EPHX2: variants seen among roughly 807,000 people sequenced by gnomAD.
EPHX2 encodes epoxide hydrolase 2.
EPHX2 carries 74 observed loss-of-function variants against 78.7 expected under a neutral mutation model. That is an observed-to-expected ratio of 0.94 (90% CI 0.78 to 1.14). The LOEUF is 1.14. EPHX2 is among the 50% of genes most tolerant of loss of function. EPHX2 has a pLI of 0.00. For missense variants in EPHX2, 715 were observed against 702.5 expected, an observed-to-expected ratio of 1.02 and a Z score of -0.20; for synonymous variants, 251 against 255.2, an observed-to-expected ratio of 0.98 and a Z score of 0.16.
chr8:27,540,032 G>A (rs1196640499), intron 14 of EPHX2, among the ~76,000 whole-genome samples: 1 of 152,210 alleles, frequency 6.6e-6, no homozygotes, highest in African/African-American at 2.4e-5. Context: ...CAAGAGAGGG[G>A]TCCACAGTGG....
chr8:27,512,216 G>C (rs72475823), intron 6 of EPHX2: 3 of 341,880 alleles, frequency 8.8e-6, no homozygotes, highest in African/African-American at 6.4e-5. Context: ...TCAGAAATCA[G>C]TGAAAGACAG....
intron 8 of EPHX2, among the ~76,000 whole-genome samples, chr8:27,516,793 A>G (rs1814471506): frequency 6.6e-6 from 1 of 151,898 alleles, no homozygotes; most frequent in Non-Finnish European, 1.5e-5. Flanking sequence ...TATGAATCTA[A>G]CTCCTCTAAA....
At chr8:27,520,942 G>A in intron 10 of EPHX2, 33 bp downstream of exon 10, 1 of 1,613,526 alleles carries the variant, frequency 6.2e-7, no homozygotes, top group Non-Finnish European at 8.5e-7. Context: ...TATCTTTGGA[G>A]AATTCCTTTG....
intron 1 of EPHX2, among the ~76,000 whole-genome samples, chr8:27,498,678 C>T (rs758074665): frequency 2.0e-5 from 3 of 152,156 alleles, no homozygotes; most frequent in Non-Finnish European, 4.4e-5. Context: ...CAATGCCTCA[C>T]ATACCTAAGA....
chr8:27,518,459 C>A (rs1814535799), intron 9 of EPHX2, among the ~76,000 whole-genome samples: 1 of 152,252 alleles, frequency 6.6e-6, no homozygotes, highest in South Asian at 2.1e-4. Flanking sequence ...CCTGTGCAGA[C>A]TGTGACCAGC....
At chr8:27,506,598 T>C (rs1256325498) in intron 4 of EPHX2, among the ~76,000 whole-genome samples, 1 of 152,228 alleles carries the variant, frequency 6.6e-6, no homozygotes, top group Non-Finnish European at 1.5e-5. Flanking sequence ...CTTATGCCTG[T>C]TGATTTTCCC....
In EPHX2 at chr8:27,503,739, G is replaced by T; in HGVS notation, c.322G>T (p.Ala108Ser). 1 of 1,612,826 alleles carries T rather than the reference G, an allele frequency of 6.2e-7. No homozygotes were observed. Among genetic ancestry groups the T allele is most frequent in the Non-Finnish European group, 8.5e-7 (1 of 1,179,960 alleles). ...AAAGATCAACCGCCCCATGCTCCAGGCAGCTCTCATGCTCAGGAAGAAAGG... is the reference window on the plus strand; with the variant it reads ...AAAGATCAACCGCCCCATGCTCCAGTCAGCTCTCATGCTCAGGAAGAAAGG... ...ARKINRPMLQ[A>S]ALMLRKKGFT... Residue 108 changes from alanine to serine, a missense_variant, in exon 3 of 19, where the codon GCA (alanine) becomes TCA (serine). Ala to Ser is a moderately conservative substitution (Grantham distance 99). Coordinates refer to ENST00000521400, the MANE Select transcript of EPHX2 (RefSeq NM_001979.6).
chr8:27,528,324 A>C (rs939632456), intron 12 of EPHX2, among the ~76,000 whole-genome samples: 1 of 152,172 alleles, frequency 6.6e-6, no homozygotes, highest in African/African-American at 2.4e-5. Flanking sequence ...TGATCTGGCC[A>C]CTGAAAGATA....
At chr8:27,494,567 C>G (rs993697233) in intron 1 of EPHX2, among the ~76,000 whole-genome samples, 4 of 152,226 alleles carry the variant, frequency 2.6e-5, no homozygotes, top group Non-Finnish European at 5.9e-5. Context: ...TTGAAATCCC[C>G]TTGACTTAGG....
intron 14 of EPHX2, 56 bp downstream of exon 14, chr8:27,538,748 G>A: frequency 2.5e-6 from 4 of 1,583,524 alleles, no homozygotes; most frequent in East Asian, 2.2e-5. Context: ...TTAAAGGGAT[G>A]TTTCTGTCTC....
chr8:27,493,400 C>T (rs1037862149), intron 1 of EPHX2, among the ~76,000 whole-genome samples: 2 of 152,166 alleles, frequency 1.3e-5, no homozygotes, highest in African/African-American at 2.4e-5. Flanking sequence ...TAGACCTTAG[C>T]GGTTTTGGAG....
chr8:27,509,581 A>C (rs982274128), intron 5 of EPHX2, among the ~76,000 whole-genome samples: 2 of 152,078 alleles, frequency 1.3e-5, no homozygotes, highest in African/African-American at 2.4e-5. Flanking sequence ...TTTAGTAGAG[A>C]CAGGATTCCC....
chr8:27,511,518 C>T (rs1309876985), intron 5 of EPHX2, among the ~76,000 whole-genome samples: 1 of 152,120 alleles, frequency 6.6e-6, no homozygotes, highest in Admixed American at 6.5e-5. Context: ...CACTGGACAC[C>T]CAGCTGGAAG....
At chr8:27,541,332 C>G in intron 15 of EPHX2, 141 bp from the exon 16 acceptor site, 1 of 838,130 alleles carries the variant, frequency 1.2e-6, no homozygotes, top group Non-Finnish European at 1.9e-6. Context: ...AGGCGTGGGT[C>G]CTGGGCTCTA....
chr8:27,516,456 G>A (rs929056240), intron 8 of EPHX2, 58 bp downstream of exon 8: 13 of 1,502,758 alleles, frequency 8.7e-6, no homozygotes, highest in African/African-American at 5.5e-5. Flanking sequence ...CTGCCTGAGC[G>A]CTCCACGCCT....
chr8:27,519,540 A>T (rs1814572769), intron 9 of EPHX2, among the ~76,000 whole-genome samples: 1 of 152,174 alleles, frequency 6.6e-6, no homozygotes, highest in Admixed American at 6.5e-5. Flanking sequence ...ATAGTTAGGG[A>T]TATGTATTGG....
chr8:27,501,394 T>TTCTTCTTCTTCTTC (rs376633107), intron 2 of EPHX2, among the ~76,000 whole-genome samples: 7 of 73,062 alleles, frequency 9.6e-5, no homozygotes, highest in Admixed American at 3.1e-4. Flanking sequence ...CTTCTTCTTC[T>TTCTTCTTCTTCTTC]TTCTTCTTTC....
chr8:27,503,666 C>T lies in EPHX2; in HGVS notation c.249C>T (p.Pro83=), dbSNP rs1209677722. The change falls in exon 3 of 19, where the codon CCC becomes CCT. Residue 83 remains proline (P), a synonymous_variant. Transcript: ENST00000521400. ...KCSETAKVCL[P]KNFSIKEIFD... is the part of the protein sequence containing the mutation. ...CCGAGACCGCTAAAGTCTGCCTCCC[C>T]AAGAATTTCTCCATAAAAGAAATCT... 2 of 1,613,846 alleles carry T rather than the reference C, an allele frequency of 1.2e-6. No homozygotes were observed. Among genetic ancestry groups the T allele is most frequent in the African/African-American group, 2.7e-5 (2 of 74,892 alleles).
chr8:27,507,024 C>T, intron 5 of EPHX2, 30 bp downstream of exon 5: 6 of 1,611,052 alleles, frequency 3.7e-6, no homozygotes, highest in Non-Finnish European at 5.1e-6. Context: ...AGCCAAGCTT[C>T]CTGGACTCAT....
Sources: allele counts gnomAD v4.1 joint callset (sites outside exome capture counted in the v4.1 genomes callset), GRCh38; gene constraint gnomAD v4.1.1; transcripts MANE v1.5; gene names NCBI Gene and HGNC (gene_info 2026-07-23, HGNC 2026-07-21).